Variants in ELK3 observed in about 807,000 individuals in gnomAD.
ELK3 encodes ETS transcription factor ELK3, also known as ETS domain-containing protein Elk-3.
A neutral mutation model predicts 28.9 loss-of-function variants in ELK3; 10 were observed. That is an observed-to-expected ratio of 0.35 (90% CI 0.21 to 0.59). The LOEUF (loss-of-function observed/expected upper bound fraction) is 0.59, where lower values mean the gene tolerates loss of function less well. ELK3 is among the 20% of genes least tolerant of loss of function. The pLI is 0.82. For missense variants in ELK3, 463 were observed against 517.3 expected (o/e 0.90, Z 1.02); for synonymous variants, 272 against 243.5 (o/e 1.12, Z -1.09).
intron 4 of ELK3, among the ~76,000 whole-genome samples, chr12:96,263,654 C>G (rs75051223): frequency 0.052 from 7,888 of 152,226 alleles, 267 homozygotes; most frequent in Non-Finnish European, 0.064. Flanking sequence ...TCCAGCTGGC[C>G]ACTGGACAGG....
chr12:96,233,837 G>C (rs1190938916), intron 2 of ELK3, among the ~76,000 whole-genome samples: 9 of 152,206 alleles, frequency 5.9e-5, no homozygotes, highest in African/African-American at 1.9e-4. Flanking sequence ...GTGTTTTATC[G>C]ATCGAGGGGG....
rs866992521 is a variant in ELK3, at chr12:96,218,648, A to T, written c.-2-4917A>T. Among the ~76,000 whole-genome samples, 294 of 131,082 alleles carry T rather than the reference A, an allele frequency of 2.2e-3. 2 individuals carry two copies. The highest frequency in any genetic ancestry group is 7.1e-3 in the African/African-American group (252 of 35,520). 86.0% of individuals were successfully genotyped at this position (131,082 alleles called of 152,430 possible). ...GGGTCTAGGCAGGGGAAAGATAAGC[A>T]TTTTTTTTTTTTTTTTTTGAGACAG... On this transcript the variant is annotated intron_variant, in intron 1 of 4. Transcript: ENST00000228741.
At chr12:96,240,483 T>C (rs1408901710) in intron 2 of ELK3, among the ~76,000 whole-genome samples, 1 of 152,202 alleles carries the variant, frequency 6.6e-6, no homozygotes, top group African/African-American at 2.4e-5. Flanking sequence ...ATTTTATACA[T>C]GAGAAGCTGA....
chr12:96,210,753 C>T (rs948285251), intron 1 of ELK3, among the ~76,000 whole-genome samples: 10 of 152,284 alleles, frequency 6.6e-5, no homozygotes, highest in East Asian at 1.9e-4. Context: ...CACTGGTTAA[C>T]AAAATGGTGG....
chr12:96,221,035 A>G (rs759769), intron 1 of ELK3, among the ~76,000 whole-genome samples: 138,235 of 152,082 alleles, frequency 0.91, 62,895 homozygotes, highest in East Asian at 1. Context: ...CAAGACCCCA[A>G]CTCGGCAATG....
At position 96,269,191 on chromosome 12, in the gene ELK3, A is replaced by G. The variant is rs576110336; in HGVS notation, c.*2011A>G. 6.6e-6 allele frequency: 1 copy of G among 152,344 alleles called. No homozygotes were observed. Among genetic ancestry groups the G allele is most frequent in the East Asian group, 1.9e-4 (1 of 5,186 alleles). The allele number at this position is 152,344 out of a possible 1,614,324, so 9.4% of individuals were successfully genotyped here. On this transcript the variant is annotated 3_prime_UTR_variant, in exon 5 of 5. Coordinates refer to ENST00000228741, the MANE Select transcript of ELK3 (RefSeq NM_005230.4). The stretch of plus-strand genomic sequence containing the variant: ...CCCCATGCCTAGCTGTTAAGTAATT[A>G]CTGGTTCAAAACTACGTGTTATTAG...
At chr12:96,253,643 T>C (rs1488129425) in intron 3 of ELK3, among the ~76,000 whole-genome samples, 1 of 152,212 alleles carries the variant, frequency 6.6e-6, no homozygotes, top group Non-Finnish European at 1.5e-5. Flanking sequence ...TGTGGGAGCT[T>C]AGGATTACAG....
intron 1 of ELK3, among the ~76,000 whole-genome samples, chr12:96,220,643 C>T (rs146655053): frequency 6.6e-6 from 1 of 152,214 alleles, no homozygotes; most frequent in East Asian, 1.9e-4. Context: ...CCACCTGCCT[C>T]AGCCTCCCAA....
chr12:96,241,702 A>G (rs1387493532), intron 2 of ELK3, among the ~76,000 whole-genome samples: 1 of 152,212 alleles, frequency 6.6e-6, no homozygotes, highest in Non-Finnish European at 1.5e-5. Flanking sequence ...TCTTCTGCAC[A>G]GGTCTGCCCG....
At chr12:96,232,146 G>A (rs1457862840) in intron 2 of ELK3, among the ~76,000 whole-genome samples, 1 of 152,220 alleles carries the variant, frequency 6.6e-6, no homozygotes, top group Non-Finnish European at 1.5e-5. Flanking sequence ...GGGACGTGTG[G>A]ATGAGTTTGA....
intron 4 of ELK3, among the ~76,000 whole-genome samples, chr12:96,263,023 T>C (rs750729009): frequency 2.0e-5 from 3 of 152,126 alleles, no homozygotes; most frequent in African/African-American, 4.8e-5. Flanking sequence ...ACGCTATAGA[T>C]GTAATGAAGG....
chr12:96,253,082 A>G (rs542256652), intron 3 of ELK3, among the ~76,000 whole-genome samples: 4 of 152,254 alleles, frequency 2.6e-5, no homozygotes, highest in African/African-American at 4.8e-5. Context: ...CCAACATGGC[A>G]AAACCCCGTC....
At position 96,227,897 on chromosome 12, in the gene ELK3, G is replaced by A. The variant is rs564934460; in HGVS notation, c.207+4124G>A. Among the ~76,000 whole-genome samples the A allele has an allele frequency of 4.6e-5, 7 of 152,304 alleles. No individual in the cohort carries two copies. In the East Asian group the frequency reaches 7.7e-4, roughly 17 times the overall value. On this transcript the variant is annotated intron_variant, in intron 2 of 4. Coordinates refer to ENST00000228741, the MANE Select transcript of ELK3 (RefSeq NM_005230.4). ...GTGGTGGGATTCATTGTGTTCACAC[G>A]TGTGCAGGGCTGAGAACAGGGCCCC... is the stretch of plus-strand genomic sequence containing the variant.
chr12:96,214,062 G>C (rs966730610), intron 1 of ELK3, among the ~76,000 whole-genome samples: 1 of 152,114 alleles, frequency 6.6e-6, no homozygotes, highest in African/African-American at 2.4e-5. Flanking sequence ...ATTACATTGT[G>C]CTAGATATAA....
chr12:96,219,846 T>C (rs1050336926), intron 1 of ELK3, among the ~76,000 whole-genome samples: 19 of 152,130 alleles, frequency 1.2e-4, no homozygotes, highest in African/African-American at 4.6e-4. Context: ...GCTACATGAC[T>C]GCCCAGTCAT....
At chr12:96,195,454 C>A (rs1187306992) in intron 1 of ELK3, among the ~76,000 whole-genome samples, 1 of 152,182 alleles carries the variant, frequency 6.6e-6, no homozygotes, top group African/African-American at 2.4e-5. Context: ...TGTTTACCTT[C>A]GAACTCAACG....
At chr12:96,218,344 T>G (rs527573931) in intron 1 of ELK3, among the ~76,000 whole-genome samples, 3 of 152,330 alleles carry the variant, frequency 2.0e-5, no homozygotes, top group Non-Finnish European at 2.9e-5. Context: ...CTGATGGGCC[T>G]CAGTATGAAA....
chr12:96,231,610 A>G (rs886521536), intron 2 of ELK3, among the ~76,000 whole-genome samples: 3 of 152,184 alleles, frequency 2.0e-5, no homozygotes, highest in Non-Finnish European at 4.4e-5. Context: ...CTCCTGCCTC[A>G]GCCTCCCGAG....
At chr12:96,252,767 ACTC>A (rs1951917488) in intron 3 of ELK3, among the ~76,000 whole-genome samples, 1 of 152,200 alleles carries the variant, frequency 6.6e-6, no homozygotes, top group African/African-American at 2.4e-5. Flanking sequence ...GATAGAATCT[ACTC>A]CTGTTGAAGA....
Sources: allele counts gnomAD v4.1 joint callset (sites outside exome capture counted in the v4.1 genomes callset), GRCh38; gene constraint gnomAD v4.1.1; transcripts MANE v1.5; gene names NCBI Gene and HGNC (gene_info 2026-07-23, HGNC 2026-07-21).